Variants in SRPK2 observed in about 807,000 individuals in gnomAD.
SRPK2 encodes SRSF protein kinase 2.
In SRPK2, 21 loss-of-function variants were observed where a neutral mutation model predicts 90.8. The ratio of observed to expected loss-of-function variants is 0.23; its 90% CI spans 0.16 to 0.33. SRPK2 has a LOEUF of 0.33. Ranked by LOEUF, SRPK2 falls within the 10% of genes least tolerant of loss-of-function variation. SRPK2 has a pLI of 1.00. For missense variants in SRPK2, 620 were observed against 869.0 expected, an observed-to-expected ratio of 0.71 and a Z score of 3.60; for synonymous variants, 288 against 311.1, an observed-to-expected ratio of 0.93 and a Z score of 0.78.
chr7:105,223,492 AT>A (rs1798349605), intron 2 of SRPK2, among the ~76,000 whole-genome samples: 1 of 152,192 alleles, frequency 6.6e-6, no homozygotes, highest in Non-Finnish European at 1.5e-5. Context: ...ATAAAAAGCC[AT>A]TCTTCCTTAT....
intron 1 of SRPK2, among the ~76,000 whole-genome samples, chr7:105,397,891 A>G (rs1310129161): frequency 1.3e-5 from 2 of 152,202 alleles, no homozygotes; most frequent in East Asian, 3.9e-4. Flanking sequence ...CAAGTGACCC[A>G]CTCACCTCGG....
At chr7:105,175,139 C>CAA (rs377120080) in intron 3 of SRPK2, among the ~76,000 whole-genome samples, 26 of 115,932 alleles carry the variant, frequency 2.2e-4, no homozygotes, top group African/African-American at 8.3e-4. Flanking sequence ...AACTCCGTTT[C>CAA]AAAAAAAAAA....
chr7:105,356,686 G>T (rs1161526970), intron 2 of SRPK2, among the ~76,000 whole-genome samples: 1 of 152,134 alleles, frequency 6.6e-6, no homozygotes, highest in Non-Finnish European at 1.5e-5. Flanking sequence ...AGTACAACCT[G>T]TATTTGCTTT....
chr7:105,332,489 C>T (rs142265222), intron 2 of SRPK2, among the ~76,000 whole-genome samples: 5 of 152,226 alleles, frequency 3.3e-5, no homozygotes, highest in Non-Finnish European at 4.4e-5. Flanking sequence ...GTAGGCCAGG[C>T]GCAGTGTCTC....
upstream of SRPK2, among the ~76,000 whole-genome samples, chr7:105,393,760 A>G (rs1052872036): frequency 2.0e-5 from 3 of 151,880 alleles, no homozygotes; most frequent in African/African-American, 7.3e-5. Context: ...CACTACCACA[A>G]TCTCATTTTA....
intron 2 of SRPK2, among the ~76,000 whole-genome samples, chr7:105,211,285 A>C (rs1248733217): frequency 1.3e-5 from 2 of 152,132 alleles, no homozygotes; most frequent in Non-Finnish European, 2.9e-5. Context: ...AGGGGACTTA[A>C]GCTGGGTAAT....
At chr7:105,230,518 GAAGA>G (rs1294449804) in intron 2 of SRPK2, among the ~76,000 whole-genome samples, 1 of 152,152 alleles carries the variant, frequency 6.6e-6, no homozygotes, top group African/African-American at 2.4e-5. Flanking sequence ...TAAGCATGAT[GAAGA>G]AAGAAAGACA....
intron 2 of SRPK2, among the ~76,000 whole-genome samples, chr7:105,257,247 C>T (rs1328033788): frequency 1.3e-5 from 2 of 152,156 alleles, no homozygotes; most frequent in African/African-American, 4.8e-5. Flanking sequence ...TTTCTTCCAG[C>T]CCCAGTACAT....
intron 2 of SRPK2, among the ~76,000 whole-genome samples, chr7:105,336,183 A>G (rs940898525): frequency 1.3e-5 from 2 of 152,190 alleles, no homozygotes; most frequent in African/African-American, 4.8e-5. Context: ...GGCATTTCAC[A>G]TCAAATATTC....
intron 2 of SRPK2, among the ~76,000 whole-genome samples, chr7:105,228,842 G>A (rs1799062385): frequency 6.6e-6 from 1 of 152,212 alleles, no homozygotes; most frequent in Admixed American, 6.5e-5. Context: ...GCCGGATCCC[G>A]CACTCGCTCG....
intron 2 of SRPK2, among the ~76,000 whole-genome samples, chr7:105,378,908 G>A (rs7357199): frequency 6.6e-6 from 1 of 151,918 alleles, no homozygotes; most frequent in Non-Finnish European, 1.5e-5. Context: ...GCAAACTTAA[G>A]TGTCTTTACA....
At chr7:105,247,236 ACT>A (rs1350298269) in intron 2 of SRPK2, among the ~76,000 whole-genome samples, 6 of 151,844 alleles carry the variant, frequency 4.0e-5, no homozygotes, top group African/African-American at 1.5e-4. Flanking sequence ...GTCCTCATAA[ACT>A]CTGTGTTGTA....
At chr7:105,295,040 G>T (rs1585584241) in intron 2 of SRPK2, among the ~76,000 whole-genome samples, 1 of 151,950 alleles carries the variant, frequency 6.6e-6, no homozygotes, top group South Asian at 2.1e-4. Context: ...GCGAAACCCT[G>T]TCTCTACTAA....
intron 2 of SRPK2, among the ~76,000 whole-genome samples, chr7:105,365,478 AT>A (rs1239740106): frequency 1.6e-5 from 2 of 121,410 alleles, no homozygotes; most frequent in Non-Finnish European, 3.3e-5. Context: ...CAAGAGCGAA[AT>A]TCTGTCTCAA....
rs1795488336 is a variant in SRPK2, at chr7:105,201,065, G to A, written c.229+2563C>T. On this transcript the variant is annotated intron_variant, in intron 3 of 15. Transcript: ENST00000393651. The stretch of plus-strand genomic sequence containing the variant: ...ATAAAACACCATATTAGTAATTTTA[G>A]CTCAACCAGTCCTGGCAGAGGGTGA... Among the ~76,000 whole-genome samples the A allele has an allele frequency of 2.6e-5, 4 of 152,248 alleles. No homozygotes were observed. The South Asian group carries it at 8.3e-4, about 32-fold the overall frequency.
In SRPK2 at chr7:105,309,855, A is replaced by G. The variant is rs545009271; in HGVS notation, c.71+78793T>C. 7.2e-5 allele frequency among the ~76,000 whole-genome samples: 11 copies of G among 152,150 alleles called. No homozygotes were observed. In the South Asian group the frequency reaches 8.3e-4, roughly 11 times the overall value. ...TACTGGTGCCAACCCTGGGCCACAC[A>G]CTCTGTTACACAAGCATAAACAAGA... is the stretch of plus-strand genomic sequence containing the variant. On this transcript the variant is annotated intron_variant, in intron 2 of 15. Transcript: ENST00000393651.
intron 2 of SRPK2, among the ~76,000 whole-genome samples, chr7:105,294,324 G>A (rs570721928): frequency 6.6e-6 from 1 of 152,212 alleles, no homozygotes; most frequent in South Asian, 2.1e-4. Flanking sequence ...TTGTTTACCA[G>A]CACTGTATTT....
At chr7:105,219,506 T>G (rs1267999416) in intron 2 of SRPK2, among the ~76,000 whole-genome samples, 2 of 152,216 alleles carry the variant, frequency 1.3e-5, no homozygotes, top group Non-Finnish European at 1.5e-5. Context: ...CTCACTAGGT[T>G]CTGCTCCTAT....
intron 2 of SRPK2, chr7:105,244,760 A>G (rs1801357272): frequency 2.0e-6 from 2 of 1,006,822 alleles, no homozygotes. Context: ...GACCAAACAC[A>G]CCAAGTTTGT....
Sources: gnomAD v4.1 joint callset for allele counts (sites outside exome capture counted in the v4.1 genomes callset) on GRCh38, gnomAD v4.1.1 for gene constraint, MANE v1.5 for transcripts, NCBI Gene and HGNC (gene_info 2026-07-23, HGNC 2026-07-21) for gene names.